MCM4: variants seen among roughly 807,000 people sequenced by gnomAD.
MCM4 encodes minichromosome maintenance complex component 4, also known as DNA replication licensing factor MCM4.
A neutral mutation model predicts 88.7 loss-of-function variants in MCM4; 60 were observed. That is an observed-to-expected ratio of 0.68 (90% CI 0.55 to 0.84). The LOEUF (loss-of-function observed/expected upper bound fraction) is 0.84, where lower values mean the gene tolerates loss of function less well. Ranked by LOEUF, MCM4 falls within the 40% of genes least tolerant of loss-of-function variation. MCM4 has a pLI of 0.00. For synonymous variants in MCM4, 465 were observed against 410.5 expected (o/e 1.13, Z -1.61); for missense variants, 1,149 against 1,105.5 (o/e 1.04, Z -0.56).
At chr8:47,975,413 G>T (rs2154505479) in intron 15 of MCM4, 1 of 173,228 alleles carries the variant, frequency 5.8e-6, no homozygotes, top group Admixed American at 6.6e-5. Flanking sequence ...CCAGTTTTGT[G>T]TATAGTTTTA....
At chr8:47,968,614 A>G (rs990606371) in intron 10 of MCM4, among the ~76,000 whole-genome samples, 2 of 152,196 alleles carry the variant, frequency 1.3e-5, no homozygotes, top group African/African-American at 2.4e-5. Flanking sequence ...TTTAAACATA[A>G]TCTTCCATCC....
chr8:47,975,844 A>G lies in MCM4; in HGVS notation c.2495A>G (p.Asp832Gly), dbSNP rs2090996213. 1.9e-6 allele frequency: 3 copies of G among 1,565,846 alleles called. No homozygotes were observed. Among genetic ancestry groups the G allele is most frequent in the Admixed American group, 4.0e-5 (2 of 49,870 alleles). The change falls in exon 16 of 17, where the codon GAC (aspartate) becomes GGC (glycine). Residue 832 changes from aspartate (D) to glycine (G), a missense_variant. Physicochemically the swap from Asp to Gly is moderately conservative, Grantham distance 94. Coordinates refer to ENST00000649973, the MANE Select transcript of MCM4 (RefSeq NM_182746.3). ...QLFEDIRGQSDIAITKDMFEE... is the reference protein window; with the variant it reads ...QLFEDIRGQSGIAITKDMFEE... ...TTTGAAGATATTCGGGGACAATCTGACATAGTAAGTGTTTATATGTATTTT... is the reference window on the plus strand; with the variant it reads ...TTTGAAGATATTCGGGGACAATCTGGCATAGTAAGTGTTTATATGTATTTT...
chr8:47,974,389 C>G (rs1316720525), intron 14 of MCM4: 1 of 260,546 alleles, frequency 3.8e-6, no homozygotes, highest in Non-Finnish European at 7.6e-6. Context: ...TATGAGTGCT[C>G]ACAGCCTTCT....
chr8:47,961,438 T>C, intron 2 of MCM4, 78 bp from the exon 3 acceptor site: 1 of 1,609,664 alleles, frequency 6.2e-7, no homozygotes, highest in Non-Finnish European at 8.5e-7. Flanking sequence ...TGAGTCATAA[T>C]GCCCCAAGGA....
chr8:47,975,494 G>A, intron 15 of MCM4: 1 of 335,296 alleles, frequency 3.0e-6, no homozygotes, highest in Non-Finnish European at 5.3e-6. Context: ...TTGTTTCTTA[G>A]CAGCAGCTGC....
intron 7 of MCM4, among the ~76,000 whole-genome samples, chr8:47,963,687 G>A (rs1056510887): frequency 6.6e-6 from 1 of 152,168 alleles, no homozygotes; most frequent in Non-Finnish European, 1.5e-5. Context: ...CTGCTGCTTT[G>A]AAAGAATATA....
At chr8:47,974,289 C>T (rs1563835996) in intron 14 of MCM4, 1 of 161,076 alleles carries the variant, frequency 6.2e-6, no homozygotes, top group Non-Finnish European at 1.4e-5. Flanking sequence ...GAAATTGATA[C>T]AACTTACCTT....
chr8:47,964,744 G>T, intron 8 of MCM4, 32 bp downstream of exon 8: 1 of 1,515,508 alleles, frequency 6.6e-7, no homozygotes, highest in Middle Eastern at 1.8e-4. Flanking sequence ...TACTTTTGTT[G>T]AAGGAAAATG....
Position 47,968,399 on chromosome 8 carries a change from G to A in MCM4, c.1174+914G>A, listed in dbSNP as rs1173033342. ...TTTGAAAGAATGCGTAGTTTTTAGT[G>A]AGTGACGTGCGCATTTCCAGTCCTG... On this transcript the variant is annotated intron_variant, in intron 10 of 16. Transcript: ENST00000649973. 2.0e-5 allele frequency among the ~76,000 whole-genome samples: 3 copies of A among 152,328 alleles called. No homozygotes were observed. In the East Asian group the frequency reaches 5.8e-4, roughly 29 times the overall value.
intron 15 of MCM4, chr8:47,975,225 A>G (rs1298553907): frequency 2.8e-6 from 1 of 351,212 alleles, no homozygotes; most frequent in Non-Finnish European, 5.3e-6. Context: ...CATGTGCACA[A>G]CGTGCAGTTT....
Position 47,961,621 on chromosome 8 carries a change from T to C in MCM4, c.176T>C (p.Leu59Pro), listed in dbSNP as rs545383707. ...ATGCCAACCTCGCCTGGAGTGGACC[T>C]GCAGAGCCCTGCTGCGCAGGACGTG... Reference protein sequence around the residue: ...QPMPTSPGVDLQSPAAQDVLF... With the variant: ...QPMPTSPGVDPQSPAAQDVLF... The change falls in exon 3 of 17, where the codon CTG becomes CCG. Residue 59 changes from leucine to proline, a missense_variant. Coordinates refer to ENST00000649973, the MANE Select transcript of MCM4 (RefSeq NM_182746.3). The C allele has an allele frequency of 1.9e-6, 3 of 1,614,170 alleles. No homozygotes were observed. The South Asian group carries it at 3.3e-5, about 18-fold the overall frequency.
At chr8:47,964,878 A>ACC (rs1441378259) in intron 8 of MCM4, among the ~76,000 whole-genome samples, 166 bp downstream of exon 8, 1 of 152,166 alleles carries the variant, frequency 6.6e-6, no homozygotes, top group Non-Finnish European at 1.5e-5. Flanking sequence ...ATACTTATGA[A>ACC]CCCCCTATAC....
intron 13 of MCM4, 55 bp from the exon 14 acceptor site, chr8:47,972,802 C>A: frequency 6.9e-7 from 1 of 1,455,858 alleles, no homozygotes; most frequent in East Asian, 2.4e-5. Context: ...GGTGATCCAC[C>A]TGCCTCGGCC....
At chr8:47,965,669 G>C (rs2090892013) in intron 8 of MCM4, among the ~76,000 whole-genome samples, 1 of 152,226 alleles carries the variant, frequency 6.6e-6, no homozygotes, top group Non-Finnish European at 1.5e-5. Flanking sequence ...ACGAGCAAGA[G>C]TGAAAGATCA....
chr8:47,975,945 T>C (rs1589835276), intron 16 of MCM4, 97 bp downstream of exon 16: 2 of 814,230 alleles, frequency 2.5e-6, no homozygotes, highest in East Asian at 6.7e-5. Context: ...ATAATAAATA[T>C]AGAGAAGAAT....
intron 10 of MCM4, chr8:47,969,139 TA>T (rs2090927765): frequency 6.6e-6 from 1 of 152,572 alleles, no homozygotes; most frequent in African/African-American, 2.4e-5. Flanking sequence ...CTCACGTAGC[TA>T]CAGTTGCCCT....
chr8:47,970,650 A>G lies in MCM4; in HGVS notation c.1574A>G (p.Asn525Ser), dbSNP rs369152932. ...TCCCAGCTGCTGCAGTACGTGTACA[A>G]CCTCGTCCCCAGGGGCCAGTACACG... ...SKSQLLQYVY[N>S]LVPRGQYTSG... The change falls in exon 12 of 17, where the codon AAC becomes AGC. Residue 525 changes from asparagine to serine, a missense_variant. Physicochemically the swap from Asn to Ser is conservative, Grantham distance 46 (BLOSUM62 1). Around this residue, in one of 3 missense-constraint regions of MCM4, gnomAD observed 906 missense variants for 843.0 expected, o/e 1.07. Transcript: ENST00000649973. The G allele has an allele frequency of 1.2e-6, 2 of 1,614,142 alleles. No homozygotes were observed. Among genetic ancestry groups the G allele is most frequent in the Non-Finnish European group, 8.5e-7 (1 of 1,180,028 alleles).
chr8:47,963,563 T>G (rs1416012069), intron 7 of MCM4, among the ~76,000 whole-genome samples: 1 of 152,252 alleles, frequency 6.6e-6, no homozygotes, highest in Non-Finnish European at 1.5e-5. Context: ...GGTTATGGTT[T>G]ACTTGGCAGT....
rs774640100 is a variant in MCM4 at position 47,970,606 on chromosome 8, C to T, written c.1530C>T (p.Gly510=). ...FRAEINILLC[G]DPGTSKSQLL... The stretch of plus-strand genomic sequence containing the variant: ...CTGAGATCAACATCTTGCTGTGTGG[C>T]GACCCTGGTACCAGCAAGTCCCAGC... Residue 510 remains glycine, a synonymous_variant, in exon 12 of 17, where the codon GGC becomes GGT. Coordinates refer to ENST00000649973, the MANE Select transcript of MCM4 (RefSeq NM_182746.3). 2.0e-5 allele frequency: 32 copies of T among 1,613,954 alleles called. No individual in the cohort carries two copies. Among genetic ancestry groups the T allele is most frequent in the South Asian group, 3.3e-5 (3 of 91,072 alleles).
Sources: gnomAD v4.1 joint callset for allele counts (sites outside exome capture counted in the v4.1 genomes callset) on GRCh38, gnomAD v4.1.1 for gene constraint, gnomAD v4.1.1 regional missense constraint, MANE v1.5 for transcripts, NCBI Gene and HGNC (gene_info 2026-07-23, HGNC 2026-07-21) for gene names.